The following ABL2 variants were observed in gnomAD, a reference collection of about 807,000 sequenced individuals.
ABL2 encodes ABL proto-oncogene 2, non-receptor tyrosine kinase, also known as tyrosine-protein kinase ABL2.
A neutral mutation model predicts 107.7 loss-of-function variants in ABL2; 49 were observed. The ratio of observed to expected loss-of-function variants is 0.45; its 90% CI spans 0.36 to 0.58. The LOEUF is 0.58. Ranked by LOEUF, ABL2 falls within the 20% of genes least tolerant of loss-of-function variation. The pLI, the probability that ABL2 is intolerant of heterozygous loss-of-function variation, is 0.00. For missense variants in ABL2, 1,245 were observed against 1,457.0 expected, an observed-to-expected ratio of 0.85 and a Z score of 2.37; for synonymous variants, 549 against 548.6, an observed-to-expected ratio of 1.00 and a Z score of -0.01.
intron 1 of ABL2, among the ~76,000 whole-genome samples, chr1:179,143,789 C>G (rs1323116172): frequency 6.6e-6 from 1 of 152,188 alleles, no homozygotes; most frequent in African/African-American, 2.4e-5. Flanking sequence ...CTCTACCTCA[C>G]GGGTTCAAGT....
At position 179,136,733 on chromosome 1, in the gene ABL2, TAAATAAATAA is replaced by T. The variant is rs1253395671; in HGVS notation, c.158-3369_158-3360del. Among the ~76,000 whole-genome samples, 1,089 of 147,978 alleles carry T rather than the reference TAAATAAATAA, an allele frequency of 7.4e-3. 13 individuals carry two copies. The highest frequency in any genetic ancestry group is 0.025 in the African/African-American group (1,020 of 40,274). On this transcript the variant is annotated intron_variant, in intron 1 of 11. Coordinates refer to ENST00000502732, the MANE Select transcript of ABL2 (RefSeq NM_007314.4). ...AAAAATAAATAAATAAATAAATAAA[TAAATAAATAA>T]AAATAAAAATAAAAATACAAAAATT...
At chr1:179,218,637 A>G (rs1462483247) in intron 1 of ABL2, among the ~76,000 whole-genome samples, 2 of 152,142 alleles carry the variant, frequency 1.3e-5, no homozygotes, top group Non-Finnish European at 2.9e-5. Context: ...TGACCTTGTG[A>G]TCCACCTGCC....
intron 1 of ABL2, among the ~76,000 whole-genome samples, chr1:179,179,439 G>A (rs1311340490): frequency 6.6e-6 from 1 of 151,604 alleles, no homozygotes; most frequent in African/African-American, 2.4e-5. Flanking sequence ...TAGGAAACAA[G>A]AGCAACAGCT....
At chr1:179,183,277 C>A (rs865934269) in intron 1 of ABL2, among the ~76,000 whole-genome samples, 1 of 152,134 alleles carries the variant, frequency 6.6e-6, no homozygotes, top group Admixed American at 6.6e-5. Context: ...GTACAACTTA[C>A]ATTATTCAGG....
At chr1:179,229,163 C>T (rs1188268829) in intron 1 of ABL2, 78 bp downstream of exon 1, 3 of 727,142 alleles carry the variant, frequency 4.1e-6, no homozygotes, top group Non-Finnish European at 6.3e-6. Context: ...CCTCGGGCAG[C>T]CCGTCCGCCA....
intron 1 of ABL2, among the ~76,000 whole-genome samples, chr1:179,173,358 ATT>A (rs554479137): frequency 0.26 from 26,752 of 104,720 alleles, 1,745 homozygotes; most frequent in East Asian, 0.33. Context: ...AAAGGCTGTA[ATT>A]TTTTTTTTTT....
intron 1 of ABL2, among the ~76,000 whole-genome samples, chr1:179,171,052 T>G (rs1659688993): frequency 6.6e-6 from 1 of 152,208 alleles, no homozygotes; most frequent in Non-Finnish European, 1.5e-5. Flanking sequence ...GTAGTTGTAT[T>G]TAGAATTAAA....
At position 179,126,788 on chromosome 1, in the gene ABL2, A is replaced by G; in HGVS notation, c.392-116T>C. On this transcript the variant is annotated intron_variant, in intron 3 of 11. Coordinates refer to ENST00000502732, the MANE Select transcript of ABL2 (RefSeq NM_007314.4). The surrounding 1 kb of genome is among the most constrained non-coding windows in gnomAD (Gnocchi z 4.4). ...AAAAAAAAAAGAATCTAGAACTTTT[A>G]TGCCAAATTTTTTTTTTAAATAATG... 1 of 1,155,032 alleles carries G rather than the reference A, an allele frequency of 8.7e-7. No homozygotes were observed. Among genetic ancestry groups the G allele is most frequent in the Middle Eastern group, 2.0e-4 (1 of 4,916 alleles). 71.5% of individuals were successfully genotyped at this position (1,155,032 alleles called of 1,614,324 possible). A position where few individuals can be genotyped will look rare whatever the true frequency, so the allele number is the denominator to read the frequency against.
chr1:179,188,682 T>C (rs1050950436), intron 1 of ABL2, among the ~76,000 whole-genome samples: 8 of 152,220 alleles, frequency 5.3e-5, no homozygotes, highest in African/African-American at 1.7e-4. Flanking sequence ...CGCACTATAA[T>C]GTAATTTCCA....
rs1327953546 is a variant in ABL2 at position 179,104,515 on chromosome 1, T to G, written c.*3203A>C. The G allele has an allele frequency of 4.8e-6, 1 of 210,472 alleles. No individual in the cohort carries two copies. Among genetic ancestry groups the G allele is most frequent in the Admixed American group, 5.9e-5 (1 of 16,994 alleles). 13.0% of individuals were successfully genotyped at this position (210,472 alleles called of 1,614,324 possible). On this transcript the variant is annotated 3_prime_UTR_variant, in exon 12 of 12. Coordinates refer to ENST00000502732, the MANE Select transcript of ABL2 (RefSeq NM_007314.4). ...GTAAAGGGTCTCCACTATAATGACC[T>G]CTATGTACAGAGGTCATCTAGAAAA...
At chr1:179,181,824 C>T (rs1242455541) in intron 1 of ABL2, among the ~76,000 whole-genome samples, 2 of 151,716 alleles carry the variant, frequency 1.3e-5, no homozygotes, top group African/African-American at 4.8e-5. Context: ...TCTATTGCCC[C>T]GGCTGGAATG....
Position 179,107,692 on chromosome 1 carries a change from G to T in ABL2, c.*26C>A. The T allele has an allele frequency of 6.4e-7, 1 of 1,565,384 alleles. No homozygotes were observed. The highest frequency in any genetic ancestry group is 1.2e-5 in the South Asian group (1 of 82,924). On this transcript the variant is annotated 3_prime_UTR_variant, in exon 12 of 12. Coordinates refer to ENST00000502732, the MANE Select transcript of ABL2 (RefSeq NM_007314.4). ...TTTCCCTCTCCCCTCAGAAATGTGTGCATTTTCCCACCAGGCTAACAGTGG... is the reference window on the plus strand; with the variant it reads ...TTTCCCTCTCCCCTCAGAAATGTGTTCATTTTCCCACCAGGCTAACAGTGG...
Position 179,104,818 on chromosome 1 carries a change from C to G in ABL2, c.*2900G>C. 4.6e-6 allele frequency: 1 copy of G among 218,606 alleles called. No homozygotes were observed. Among genetic ancestry groups the G allele is most frequent in the Admixed American group, 5.8e-5 (1 of 17,258 alleles). The allele number at this position is 218,606 out of a possible 1,614,324, so 13.5% of individuals were successfully genotyped here. A position where few individuals can be genotyped will look rare whatever the true frequency, so the allele number is the denominator to read the frequency against. On this transcript the variant is annotated 3_prime_UTR_variant, in exon 12 of 12. Coordinates refer to ENST00000502732, the MANE Select transcript of ABL2 (RefSeq NM_007314.4). ...CAGCATAACCACTTTAGAAAACTGT[C>G]AACGCCTTGGACAAGGGCCTTTGCT...
At position 179,126,401 on chromosome 1, in the gene ABL2, C is replaced by T; in HGVS notation, c.663G>A (p.Arg221=). ...LRYEGRVYHY[R]INTTADGKVY... is the part of the protein sequence containing the mutation. ...CCTTGCCATCTGCAGTGGTATTGAT[C>T]CTGTAGTGATACACACGTCCCTCGT... Residue 221 remains arginine, a synonymous_variant, in exon 4 of 12, where the codon AGG becomes AGA. Coordinates refer to ENST00000502732, the MANE Select transcript of ABL2 (RefSeq NM_007314.4). This position sits in a 1 kb window ranked among gnomAD's most constrained non-coding sequence, Gnocchi z 4.4. 5.6e-6 allele frequency: 9 copies of T among 1,614,124 alleles called. No individual in the cohort carries two copies. Among genetic ancestry groups the T allele is most frequent in the Non-Finnish European group, 7.6e-6 (9 of 1,180,016 alleles).
chr1:179,185,448 A>T lies in ABL2; in HGVS notation c.157+43793T>A, dbSNP rs181856775. On this transcript the variant is annotated intron_variant, in intron 1 of 11. Coordinates refer to ENST00000502732, the MANE Select transcript of ABL2 (RefSeq NM_007314.4). Reference sequence around the variant, plus strand: ...TTGTAATTTTCACCCTGTTTTTTTTAAAAAAAATTTTTTTGTTTCACTGGA... The same window carrying T: ...TTGTAATTTTCACCCTGTTTTTTTTTAAAAAAATTTTTTTGTTTCACTGGA... Among the ~76,000 whole-genome samples, 775 of 152,072 alleles carry T rather than the reference A, an allele frequency of 5.1e-3. 7 individuals are homozygous for T. Among genetic ancestry groups the T allele is most frequent in the African/African-American group, 0.017 (707 of 41,502 alleles).
intron 1 of ABL2, among the ~76,000 whole-genome samples, chr1:179,179,503 G>A (rs1319706082): frequency 6.6e-6 from 1 of 151,770 alleles, no homozygotes; most frequent in African/African-American, 2.4e-5. Context: ...AACAGGCCCA[G>A]AGTTAGGGGG....
In ABL2 at chr1:179,103,987, G is replaced by A. The variant is rs1000938700; in HGVS notation, c.*3731C>T. On this transcript the variant is annotated 3_prime_UTR_variant, in exon 12 of 12. Coordinates refer to ENST00000502732, the MANE Select transcript of ABL2 (RefSeq NM_007314.4). ...GAGATTACTGGAGAATACACTGGCCGAGACCCCAGCCCACTGGGAATTCTG... is the reference window on the plus strand; with the variant it reads ...GAGATTACTGGAGAATACACTGGCCAAGACCCCAGCCCACTGGGAATTCTG... 6.4e-5 allele frequency: 15 copies of A among 233,424 alleles called. No homozygotes were observed. The highest frequency in any genetic ancestry group is 3.9e-4 in the Admixed American group (7 of 17,780). 14.5% of individuals were successfully genotyped at this position (233,424 alleles called of 1,614,324 possible). A position where few individuals can be genotyped will look rare whatever the true frequency, so the allele number is the denominator to read the frequency against.
intron 1 of ABL2, among the ~76,000 whole-genome samples, chr1:179,225,764 G>T (rs1278856495): frequency 1.3e-5 from 2 of 152,046 alleles, no homozygotes; most frequent in African/African-American, 4.8e-5. Flanking sequence ...TGACGTGGCC[G>T]GAAGCGGTGG....
intron 1 of ABL2, among the ~76,000 whole-genome samples, chr1:179,186,802 C>G (rs1480833003): frequency 6.6e-6 from 1 of 151,806 alleles, no homozygotes; most frequent in African/African-American, 2.4e-5. Context: ...AATGGTGCAA[C>G]CTAGGCTCAT....
Sources: allele counts gnomAD v4.1 joint callset (sites outside exome capture counted in the v4.1 genomes callset), GRCh38; gene constraint gnomAD v4.1.1; non-coding constraint Gnocchi (gnomAD v3.1); transcripts MANE v1.5; gene names NCBI Gene and HGNC (gene_info 2026-07-23, HGNC 2026-07-21).